MAGI2: variants seen among roughly 807,000 people sequenced by gnomAD.
MAGI2 encodes the protein membrane-associated guanylate kinase, WW and PDZ domain-containing protein 2.
MAGI2 carries 35 observed loss-of-function variants against 133.3 expected under a neutral mutation model. That is an observed-to-expected ratio of 0.26 (90% CI 0.20 to 0.35). The LOEUF is 0.35. Among genes scored for constraint, MAGI2 ranks in the 10% least tolerant of loss-of-function variants. MAGI2 has a pLI of 1.00. For missense variants in MAGI2, 1,636 were observed against 1,863.4 expected (o/e 0.88, Z 2.25); for synonymous variants, 729 against 710.6 (o/e 1.03, Z -0.41).
chr7:79,294,778 G>A (rs1003121122), intron 1 of MAGI2, among the ~76,000 whole-genome samples: 8 of 130,238 alleles, frequency 6.1e-5, no homozygotes, highest in African/African-American at 2.3e-4. Context: ...TACTCGGGCT[G>A]GAGTGCAGGG....
At chr7:78,779,118 G>C (rs1240612661) in intron 2 of MAGI2, among the ~76,000 whole-genome samples, 2 of 152,044 alleles carry the variant, frequency 1.3e-5, no homozygotes, top group Non-Finnish European at 2.9e-5. Context: ...ATGTTGGCCA[G>C]GGTGGTCTCA....
chr7:79,414,762 G>A (rs988824795), intron 1 of MAGI2: 1 of 152,058 alleles, frequency 6.6e-6, no homozygotes, highest in African/African-American at 2.4e-5. Flanking sequence ...AGAGTTGTGG[G>A]GAATACAAAA....
At chr7:78,328,532 C>CCCCCTCT (rs1554346587) in intron 9 of MAGI2, among the ~76,000 whole-genome samples, 157 of 133,780 alleles carry the variant, frequency 1.2e-3, no homozygotes, top group Middle Eastern at 7.8e-3. Context: ...CACACACACC[C>CCCCCTCT]CTCTCTCTCT....
chr7:78,829,596 A>T (rs1042436372), intron 2 of MAGI2, among the ~76,000 whole-genome samples: 7 of 152,136 alleles, frequency 4.6e-5, no homozygotes, highest in Admixed American at 4.6e-4. Flanking sequence ...AGCCTGCTAT[A>T]GATAACTCAG....
intron 3 of MAGI2, among the ~76,000 whole-genome samples, chr7:78,608,210 A>G (rs1054730965): frequency 1.2e-4 from 19 of 152,094 alleles, no homozygotes; most frequent in Admixed American, 1.3e-4. Flanking sequence ...TACCTTTCAC[A>G]TCTTTGCTTT....
At chr7:79,099,629 C>T (rs1817799813) in intron 1 of MAGI2, among the ~76,000 whole-genome samples, 1 of 152,108 alleles carries the variant, frequency 6.6e-6, no homozygotes, top group African/African-American at 2.4e-5. Context: ...CCTCCTCTCT[C>T]CCTTCACCCT....
intron 2 of MAGI2, among the ~76,000 whole-genome samples, chr7:78,974,979 A>T (rs755539175): frequency 2.0e-5 from 3 of 151,758 alleles, no homozygotes; most frequent in African/African-American, 4.8e-5. Context: ...TAAAGAAAAC[A>T]TAACAGTCCT....
intron 3 of MAGI2, among the ~76,000 whole-genome samples, chr7:78,608,017 C>T (rs113366227): frequency 0.04 from 6,081 of 152,254 alleles, 186 homozygotes; most frequent in Non-Finnish European, 0.062. Context: ...GATCATGAAA[C>T]ACACAGCATT....
At chr7:78,318,819 C>A (rs1226654760) in intron 9 of MAGI2, among the ~76,000 whole-genome samples, 4 of 152,194 alleles carry the variant, frequency 2.6e-5, no homozygotes, top group Non-Finnish European at 5.9e-5. Context: ...CGATATTCAA[C>A]ATTCTTAAAA....
chr7:78,313,498 G>T (rs911694150), intron 9 of MAGI2, among the ~76,000 whole-genome samples: 1 of 151,778 alleles, frequency 6.6e-6, no homozygotes, highest in Non-Finnish European at 1.5e-5. Flanking sequence ...GAATAATAAA[G>T]AATAGAAACA....
chr7:78,922,346 C>T (rs1029727029), intron 2 of MAGI2, among the ~76,000 whole-genome samples: 1 of 151,712 alleles, frequency 6.6e-6, no homozygotes, highest in Non-Finnish European at 1.5e-5. Flanking sequence ...TCCCCCCTGC[C>T]CCCACCCCAC....
intron 1 of MAGI2, among the ~76,000 whole-genome samples, chr7:79,147,692 C>T (rs1822781285): frequency 6.6e-6 from 1 of 152,222 alleles, no homozygotes; most frequent in African/African-American, 2.4e-5. Flanking sequence ...CATCTTCTCT[C>T]TCTGCCCCTC....
intron 1 of MAGI2, among the ~76,000 whole-genome samples, chr7:79,389,856 G>A (rs558895508): frequency 1.3e-5 from 2 of 152,034 alleles, no homozygotes; most frequent in South Asian, 2.1e-4. Flanking sequence ...TATCCCCATG[G>A]TTCCAATAGC....
chr7:79,045,650 G>C (rs1344482798), intron 1 of MAGI2, among the ~76,000 whole-genome samples: 1 of 152,064 alleles, frequency 6.6e-6, no homozygotes, highest in Non-Finnish European at 1.5e-5. Flanking sequence ...AAATTAGCCG[G>C]GCCTGGTGGC....
intron 2 of MAGI2, among the ~76,000 whole-genome samples, chr7:78,714,670 G>C (rs1380575323): frequency 1.3e-5 from 2 of 152,136 alleles, no homozygotes; most frequent in Non-Finnish European, 2.9e-5. Flanking sequence ...ACCATGCACT[G>C]TCAGCAAATA....
intron 6 of MAGI2, among the ~76,000 whole-genome samples, chr7:78,455,840 A>ATTC (rs1408462934): frequency 6.6e-6 from 1 of 152,028 alleles, no homozygotes; most frequent in Non-Finnish European, 1.5e-5. Context: ...GGTTGACACT[A>ATTC]AGTCTACCTA....
Position 78,842,535 on chromosome 7 carries a change from G to A in MAGI2, c.418+164555C>T, listed in dbSNP as rs116837012. Among the ~76,000 whole-genome samples the A allele has an allele frequency of 2.3e-3, 344 of 151,662 alleles. 3 individuals carry two copies. Among genetic ancestry groups the A allele is most frequent in the African/African-American group, 7.6e-3 (316 of 41,370 alleles). On this transcript the variant is annotated intron_variant, in intron 2 of 21. Transcript: ENST00000354212. ...CATATTAATATTTTGCTAGTAATCC[G>A]TTTGTTTATATCATTTTTAACAAAG...
At chr7:78,769,100 A>G (rs1045656206) in intron 2 of MAGI2, among the ~76,000 whole-genome samples, 2 of 152,172 alleles carry the variant, frequency 1.3e-5, no homozygotes, top group African/African-American at 4.8e-5. Context: ...TAATAAGCAC[A>G]TGTGTAGTAC....
At chr7:79,449,243 T>C (rs1213493863) in intron 1 of MAGI2, among the ~76,000 whole-genome samples, 1 of 152,112 alleles carries the variant, frequency 6.6e-6, no homozygotes, top group Non-Finnish European at 1.5e-5. Flanking sequence ...TCTACTTTCC[T>C]TTGAAGGTAT....
Sources: gnomAD v4.1 joint callset for allele counts (sites outside exome capture counted in the v4.1 genomes callset) on GRCh38, gnomAD v4.1.1 for gene constraint, MANE v1.5 for transcripts, NCBI Gene and HGNC (gene_info 2026-07-23, HGNC 2026-07-21) for gene names.